Variants in TTC29 observed in about 807,000 individuals in gnomAD.
TTC29 encodes tetratricopeptide repeat protein 29.
TTC29 carries 49 observed loss-of-function variants against 58.1 expected under a neutral mutation model. That is an observed-to-expected ratio of 0.84 (90% CI 0.67 to 1.07). The LOEUF is 1.07. TTC29 is among the 50% of genes least tolerant of loss of function. The pLI is 0.00. For synonymous variants in TTC29, 209 were observed against 196.8 expected (o/e 1.06, Z -0.52); for missense variants, 582 against 555.6 (o/e 1.05, Z -0.48).
chr4:146,855,966 G>T (rs1409273753), intron 8 of TTC29, among the ~76,000 whole-genome samples: 1 of 152,144 alleles, frequency 6.6e-6, no homozygotes, highest in African/African-American at 2.4e-5. Flanking sequence ...AGTGCTAACA[G>T]CTGTGCGTTG....
chr4:146,874,634 T>C, intron 7 of TTC29, 82 bp downstream of exon 7: 2 of 1,125,560 alleles, frequency 1.8e-6, no homozygotes, highest in South Asian at 2.8e-5. Context: ...ACCCTAACAC[T>C]TGACGATTTT....
At chr4:146,821,486 T>C (rs1751822719) in intron 9 of TTC29, among the ~76,000 whole-genome samples, 1 of 152,204 alleles carries the variant, frequency 6.6e-6, no homozygotes, top group South Asian at 2.1e-4. Flanking sequence ...AGCTTACTCT[T>C]GAAAGCTTTC....
intron 4 of TTC29, among the ~76,000 whole-genome samples, chr4:146,922,351 G>A (rs935082808): frequency 1.3e-5 from 2 of 151,290 alleles, no homozygotes; most frequent in African/African-American, 2.4e-5. Context: ...AATGATAAAA[G>A]AGAGACCAAA....
chr4:146,802,005 A>G (rs1416467960), intron 11 of TTC29, among the ~76,000 whole-genome samples: 1 of 146,476 alleles, frequency 6.8e-6, no homozygotes, highest in Non-Finnish European at 1.5e-5. Context: ...AAAAAAAAAA[A>G]AAAAGAGACT....
chr4:146,737,861 G>A (rs759692265), intron 11 of TTC29, among the ~76,000 whole-genome samples: 1 of 152,074 alleles, frequency 6.6e-6, no homozygotes, highest in African/African-American at 2.4e-5. Context: ...CTGATGCAGT[G>A]GTCCTAAGAC....
At chr4:146,750,134 A>T in intron 11 of TTC29, among the ~76,000 whole-genome samples, 1 of 152,094 alleles carries the variant, frequency 6.6e-6, no homozygotes, top group South Asian at 2.1e-4. Flanking sequence ...CAGCCTCCTG[A>T]GTAGCTGGGA....
At chr4:146,845,919 G>A (rs1729139405) in intron 8 of TTC29, among the ~76,000 whole-genome samples, 1 of 152,046 alleles carries the variant, frequency 6.6e-6, no homozygotes, top group Admixed American at 6.6e-5. Context: ...TAGTTAGACT[G>A]TAAGTGCCCT....
chr4:146,726,911 G>T (rs1036930006), intron 11 of TTC29, among the ~76,000 whole-genome samples: 4 of 151,916 alleles, frequency 2.6e-5, no homozygotes, highest in Admixed American at 6.6e-5. Context: ...TTGCATAGAT[G>T]ATTCTTGCAC....
At chr4:146,789,544 A>G (rs892244414) in intron 11 of TTC29, among the ~76,000 whole-genome samples, 1 of 152,204 alleles carries the variant, frequency 6.6e-6, no homozygotes, top group Non-Finnish European at 1.5e-5. Flanking sequence ...ATACTTGTTC[A>G]TATTAGAAAT....
At chr4:146,776,367 G>C (rs1748091109) in intron 11 of TTC29, among the ~76,000 whole-genome samples, 1 of 151,946 alleles carries the variant, frequency 6.6e-6, no homozygotes. Context: ...AGTTGCCAGA[G>C]TTCTTGCTCT....
chr4:146,886,049 C>T (rs1382930654), intron 6 of TTC29, among the ~76,000 whole-genome samples: 1 of 152,060 alleles, frequency 6.6e-6, no homozygotes, highest in African/African-American at 2.4e-5. Context: ...TTAAAAGTTA[C>T]TAAATCTGTA....
At chr4:146,833,607 A>G (rs1728310374) in intron 9 of TTC29, among the ~76,000 whole-genome samples, 199 bp downstream of exon 9, 1 of 152,244 alleles carries the variant, frequency 6.6e-6, no homozygotes. Context: ...CGAAGGAGGC[A>G]CAGACAAAGA....
chr4:146,813,472 G>A (rs1012970510), intron 10 of TTC29, among the ~76,000 whole-genome samples: 1 of 152,170 alleles, frequency 6.6e-6, no homozygotes, highest in Non-Finnish European at 1.5e-5. Flanking sequence ...TTTTTAAGAT[G>A]TGCTAATTCT....
chr4:146,910,483 A>T (rs1280779130), intron 4 of TTC29, among the ~76,000 whole-genome samples: 1 of 152,124 alleles, frequency 6.6e-6, no homozygotes, highest in African/African-American at 2.4e-5. Context: ...ACTTAGGTAG[A>T]GAACAAACAA....
At chr4:146,827,063 C>T (rs537696339) in intron 9 of TTC29, among the ~76,000 whole-genome samples, 60 of 152,054 alleles carry the variant, frequency 3.9e-4, no homozygotes, top group African/African-American at 1.3e-3. Context: ...TTTAGCTCAT[C>T]GTAGTTTTTT....
At chr4:146,832,772 G>A (rs529238293) in intron 9 of TTC29, among the ~76,000 whole-genome samples, 3 of 152,098 alleles carry the variant, frequency 2.0e-5, no homozygotes, top group East Asian at 1.9e-4. Flanking sequence ...GATTACAGGC[G>A]TGAGCCACCG....
At chr4:146,834,379 A>G (rs1346177105) in intron 8 of TTC29, among the ~76,000 whole-genome samples, 4 of 152,314 alleles carry the variant, frequency 2.6e-5, no homozygotes, top group African/African-American at 9.6e-5. Flanking sequence ...CCGTTTGTGC[A>G]TGTATACAGT....
At chr4:146,784,584 C>T (rs777627770) in intron 11 of TTC29, among the ~76,000 whole-genome samples, 4 of 152,168 alleles carry the variant, frequency 2.6e-5, no homozygotes, top group Non-Finnish European at 5.9e-5. Context: ...CAAGAGGGCT[C>T]ATTTGCACCT....
intron 10 of TTC29, among the ~76,000 whole-genome samples, chr4:146,805,780 T>C (rs2357277): frequency 0.38 from 57,257 of 151,904 alleles, 11,763 homozygotes; most frequent in African/African-American, 0.51. Context: ...CTGAAAGTGA[T>C]GGGCAGAATG....
Sources: allele counts gnomAD v4.1 joint callset (sites outside exome capture counted in the v4.1 genomes callset), GRCh38; gene constraint gnomAD v4.1.1; transcripts MANE v1.5; gene names NCBI Gene and HGNC (gene_info 2026-07-23, HGNC 2026-07-21).